ELOVL6: variants seen among roughly 807,000 people sequenced by gnomAD.
ELOVL6 encodes very long chain fatty acid elongase 6.
Under a neutral mutation model 31.7 loss-of-function variants are expected in ELOVL6, and 8 were observed. The ratio of observed to expected loss-of-function variants is 0.25; its 90% CI spans 0.15 to 0.45. ELOVL6 has a LOEUF of 0.45. Among genes scored for constraint, ELOVL6 ranks in the 20% least tolerant of loss-of-function variants. The pLI is 1.00. For synonymous variants in ELOVL6, 101 were observed against 117.7 expected, an observed-to-expected ratio of 0.86 and a Z score of 0.92; for missense variants, 126 against 326.4, an observed-to-expected ratio of 0.39 and a Z score of 4.73.
intron 3 of ELOVL6, among the ~76,000 whole-genome samples, chr4:110,056,058 C>T (rs1456896645): frequency 1.4e-5 from 2 of 144,500 alleles, no homozygotes; most frequent in East Asian, 2.0e-4. Flanking sequence ...AATGGTTGCT[C>T]AACAATCTGA....
chr4:110,128,326 G>A (rs1757567837), intron 1 of ELOVL6, among the ~76,000 whole-genome samples: 1 of 152,224 alleles, frequency 6.6e-6, no homozygotes, highest in Admixed American at 6.5e-5. Context: ...GCAAGATCAT[G>A]AGGACTCTTA....
chr4:110,057,452 C>CA (rs34552753), intron 3 of ELOVL6, among the ~76,000 whole-genome samples: 1 of 151,434 alleles, frequency 6.6e-6, no homozygotes, highest in African/African-American at 2.4e-5. Flanking sequence ...AGGCCTTTGT[C>CA]AAAAAAGATA....
intron 3 of ELOVL6, among the ~76,000 whole-genome samples, chr4:110,053,138 C>T (rs1754879231): frequency 6.6e-6 from 1 of 152,180 alleles, no homozygotes; most frequent in Admixed American, 6.5e-5. Context: ...AGGTCTTGAA[C>T]TCCTGAGCTC....
chr4:110,112,250 C>T (rs12512099), intron 1 of ELOVL6, among the ~76,000 whole-genome samples: 2,424 of 152,268 alleles, frequency 0.016, 155 homozygotes, highest in East Asian at 0.13. Context: ...CCTGATCTCT[C>T]GATCAATGCA....
chr4:110,188,565 G>C (rs74398823), intron 1 of ELOVL6, among the ~76,000 whole-genome samples: 1 of 151,934 alleles, frequency 6.6e-6, no homozygotes, highest in African/African-American at 2.4e-5. Context: ...GATCATAAAG[G>C]GTGGCTGCAA....
At chr4:110,157,446 G>A (rs1283310237) in intron 1 of ELOVL6, among the ~76,000 whole-genome samples, 1 of 152,100 alleles carries the variant, frequency 6.6e-6, no homozygotes, top group African/African-American at 2.4e-5. Context: ...CGAGGCAGGT[G>A]GATCAAGTGA....
In ELOVL6 at chr4:110,047,379, C is replaced by T. The variant is rs750669522; in HGVS notation, c.*3959G>A. 3 of 151,098 alleles carry T rather than the reference C, an allele frequency of 2.0e-5. No homozygotes were observed. The highest frequency in any genetic ancestry group is 2.0e-4 in the Admixed American group (3 of 15,186). The allele number at this position is 151,098 out of a possible 1,614,324, so 9.4% of individuals were successfully genotyped here. ...CCCTCAGAATATGCCCTAGCTGCCT[C>T]GGTTGTGTGACACACACCGTGGTCT... is the stretch of plus-strand genomic sequence containing the variant. On this transcript the variant is annotated 3_prime_UTR_variant, in exon 4 of 4. Coordinates refer to ENST00000302274, the MANE Select transcript of ELOVL6 (RefSeq NM_024090.3).
intron 1 of ELOVL6, among the ~76,000 whole-genome samples, chr4:110,128,865 T>C (rs547112064): frequency 6.6e-6 from 1 of 152,308 alleles, no homozygotes; most frequent in South Asian, 2.1e-4. Context: ...AAGACAGAAC[T>C]TGTAAAGGAA....
chr4:110,198,074 ACCCC>A (rs10572708), intron 1 of ELOVL6, 169 bp downstream of exon 1: 20,042 of 418,486 alleles, frequency 0.048, 97 homozygotes, highest in East Asian at 0.14. Context: ...CGCTTCATGT[ACCCC>A]CCCCCCCCCA....
At chr4:110,077,945 C>A (rs1485761657) in intron 2 of ELOVL6, among the ~76,000 whole-genome samples, 8 of 152,196 alleles carry the variant, frequency 5.3e-5, no homozygotes, top group East Asian at 1.9e-4. Context: ...GATGAATGCA[C>A]AAGCCTCAGT....
chr4:110,175,888 C>T (rs1759088963), intron 1 of ELOVL6, among the ~76,000 whole-genome samples: 1 of 152,120 alleles, frequency 6.6e-6, no homozygotes, highest in South Asian at 2.1e-4. Flanking sequence ...ACAGAGCTTT[C>T]TCAATGTGGG....
intron 2 of ELOVL6, among the ~76,000 whole-genome samples, chr4:110,092,200 C>T (rs1205121933): frequency 6.6e-6 from 1 of 152,246 alleles, no homozygotes; most frequent in South Asian, 2.1e-4. Context: ...ATGTCATATG[C>T]AAAATCAAGT....
intron 1 of ELOVL6, among the ~76,000 whole-genome samples, chr4:110,197,100 G>T (rs1759828074): frequency 6.6e-6 from 1 of 152,200 alleles, no homozygotes; most frequent in Non-Finnish European, 1.5e-5. Flanking sequence ...GCTCGCGCAC[G>T]CGGCGGGCGG....
At chr4:110,158,657 A>ATATATATATATTTT in intron 1 of ELOVL6, among the ~76,000 whole-genome samples, 7 of 74,158 alleles carry the variant, frequency 9.4e-5, no homozygotes, top group African/African-American at 3.3e-4. Context: ...ATATATATAT[A>ATATATATATATTTT]TTTTTTTTTT....
rs557759991 is a variant in ELOVL6 at position 110,142,357 on chromosome 4, T to C, written c.90-36729A>G. On this transcript the variant is annotated intron_variant, in intron 1 of 3. Coordinates refer to ENST00000302274, the MANE Select transcript of ELOVL6 (RefSeq NM_024090.3). ...ACCGCACCCGGCCACCCCTTACTAA[T>C]TTTTAGTAACGTCCAAGGATTAAAG... is the stretch of plus-strand genomic sequence containing the variant. Among the ~76,000 whole-genome samples the C allele has an allele frequency of 2.2e-3, 333 of 152,228 alleles. 1 individual carries two copies. Among genetic ancestry groups the C allele is most frequent in the Non-Finnish European group, 3.3e-3 (224 of 68,012 alleles).
intron 3 of ELOVL6, among the ~76,000 whole-genome samples, chr4:110,052,517 A>C (rs1482212278): frequency 3.3e-5 from 5 of 152,214 alleles, no homozygotes; most frequent in Non-Finnish European, 7.3e-5. Context: ...TACAGAATTA[A>C]CTGAAAAGAT....
intron 1 of ELOVL6, among the ~76,000 whole-genome samples, chr4:110,163,223 T>C (rs959023775): frequency 2.6e-5 from 4 of 152,174 alleles, no homozygotes; most frequent in Admixed American, 6.5e-5. Flanking sequence ...TCTCTTCTCC[T>C]AGATGGGCCC....
At chr4:110,091,699 C>T (rs558783877) in intron 2 of ELOVL6, among the ~76,000 whole-genome samples, 9 of 152,248 alleles carry the variant, frequency 5.9e-5, no homozygotes, top group Admixed American at 2.0e-4. Flanking sequence ...TTAATCACCC[C>T]GCATATCCAT....
At chr4:110,070,033 C>G (rs1194780902) in intron 2 of ELOVL6, among the ~76,000 whole-genome samples, 2 of 152,114 alleles carry the variant, frequency 1.3e-5, no homozygotes, top group East Asian at 1.9e-4. Flanking sequence ...AGATGAGAAC[C>G]CTTCTCCTGG....
Sources: gnomAD v4.1 joint callset for allele counts (sites outside exome capture counted in the v4.1 genomes callset) on GRCh38, gnomAD v4.1.1 for gene constraint, MANE v1.5 for transcripts, NCBI Gene and HGNC (gene_info 2026-07-23, HGNC 2026-07-21) for gene names.